KIRREL3: variants seen among roughly 807,000 people sequenced by gnomAD.
KIRREL3 encodes the protein kin of IRRE-like protein 3.
KIRREL3 carries 36 observed loss-of-function variants against 89.7 expected under a neutral mutation model. The ratio of observed to expected loss-of-function variants is 0.40; its 90% CI spans 0.31 to 0.53. The LOEUF (loss-of-function observed/expected upper bound fraction) is 0.53, where lower values mean the gene tolerates loss of function less well. Among genes scored for constraint, KIRREL3 ranks in the 20% least tolerant of loss-of-function variants. The pLI is 0.49. For synonymous variants in KIRREL3, 445 were observed against 441.4 expected (o/e 1.01, Z -0.10); for missense variants, 864 against 1,056.6 (o/e 0.82, Z 2.53).
At chr11:126,949,602 A>G (rs1463051558) in intron 1 of KIRREL3, among the ~76,000 whole-genome samples, 1 of 152,196 alleles carries the variant, frequency 6.6e-6, no homozygotes, top group African/African-American at 2.4e-5. Context: ...CCATCAACAA[A>G]AGGGAGAGAT....
rs1945593206 is a variant in KIRREL3 at position 126,883,698 on chromosome 11, G to A, written c.55+116757C>T. ...TTCCATTCCCACTTCACACTGTGAGGATCTCCTGGACAAGCATTAGTCTCA... is the reference window on the plus strand; with the variant it reads ...TTCCATTCCCACTTCACACTGTGAGAATCTCCTGGACAAGCATTAGTCTCA... On this transcript the variant is annotated intron_variant, in intron 1 of 16. Transcript: ENST00000525144. This position sits in a 1 kb window ranked among gnomAD's most constrained non-coding sequence, Gnocchi z 4.1. Among the ~76,000 whole-genome samples the A allele has an allele frequency of 6.6e-6, 1 of 152,076 alleles. No homozygotes were observed. Among genetic ancestry groups the A allele is most frequent in the Admixed American group, 6.5e-5 (1 of 15,270 alleles).
chr11:126,806,285 A>G (rs957290004), intron 1 of KIRREL3, among the ~76,000 whole-genome samples: 1 of 152,230 alleles, frequency 6.6e-6, no homozygotes, highest in African/African-American at 2.4e-5. Flanking sequence ...TGAGGCTAAT[A>G]AAAAGGACAT....
chr11:126,567,485 C>T (rs772672535), intron 1 of KIRREL3, among the ~76,000 whole-genome samples: 19 of 152,208 alleles, frequency 1.2e-4, no homozygotes, highest in Non-Finnish European at 2.5e-4. Flanking sequence ...TTTGTAACAG[C>T]AGCCCTAGCA....
chr11:126,938,848 TTTCTTCC>T (rs1662654572), intron 1 of KIRREL3, among the ~76,000 whole-genome samples: 1 of 152,142 alleles, frequency 6.6e-6, no homozygotes, highest in African/African-American at 2.4e-5. Flanking sequence ...TGAGATCAGC[TTTCTTCC>T]AGAGAGTGGG....
At chr11:126,868,693 C>A (rs1005511405) in intron 1 of KIRREL3, among the ~76,000 whole-genome samples, 15 of 152,056 alleles carry the variant, frequency 9.9e-5, no homozygotes, top group African/African-American at 3.4e-4. Flanking sequence ...GCTGTTAGTG[C>A]CCTTTCTTAT....
intron 2 of KIRREL3, among the ~76,000 whole-genome samples, chr11:126,534,340 G>A (rs1428164665): frequency 6.6e-6 from 1 of 152,220 alleles, no homozygotes; most frequent in Non-Finnish European, 1.5e-5. Flanking sequence ...ACTAGCTTCC[G>A]TTAGTAGAAA....
chr11:126,914,267 C>A (rs1946947699), intron 1 of KIRREL3, among the ~76,000 whole-genome samples: 1 of 152,166 alleles, frequency 6.6e-6, no homozygotes. Context: ...GAGGGAGAAA[C>A]AAACATTTCC....
At position 126,924,961 on chromosome 11, in the gene KIRREL3, T is replaced by C. The variant is rs1219076245; in HGVS notation, c.55+75494A>G. Among the ~76,000 whole-genome samples, 5 of 111,584 alleles carry C rather than the reference T, an allele frequency of 4.5e-5. No homozygotes were observed. Among genetic ancestry groups the C allele is most frequent in the Non-Finnish European group, 8.9e-5 (5 of 56,494 alleles). The allele number at this position is 111,584 out of a possible 152,430, so 73.2% of individuals were successfully genotyped here. On this transcript the variant is annotated intron_variant, in intron 1 of 16. Transcript: ENST00000525144. This position sits in a 1 kb window ranked among gnomAD's most constrained non-coding sequence, Gnocchi z 4.7. ...TGTGTGTGTGTTGCAGTGGAGGAGG[T>C]TGGGATAAAATTGAAAAAAAAAAAA... is the stretch of plus-strand genomic sequence containing the variant.
chr11:126,786,170 G>A (rs1227275224), intron 1 of KIRREL3, among the ~76,000 whole-genome samples: 2 of 152,234 alleles, frequency 1.3e-5, no homozygotes, highest in South Asian at 4.1e-4. Context: ...GATCATTTAT[G>A]AGAATTACAT....
At chr11:126,433,453 G>T (rs1277797333) in intron 13 of KIRREL3, among the ~76,000 whole-genome samples, 2 of 152,200 alleles carry the variant, frequency 1.3e-5, no homozygotes, top group Non-Finnish European at 1.5e-5. Flanking sequence ...TGGCAGTGTT[G>T]CTGGTTAAGC....
At chr11:126,845,338 G>C (rs377406232) in intron 1 of KIRREL3, among the ~76,000 whole-genome samples, 1 of 152,136 alleles carries the variant, frequency 6.6e-6, no homozygotes, top group Non-Finnish European at 1.5e-5. Context: ...AGACTTCTGG[G>C]CTCTCTCTCT....
intron 1 of KIRREL3, among the ~76,000 whole-genome samples, chr11:126,617,477 C>T (rs1943401125): frequency 6.6e-6 from 1 of 152,180 alleles, no homozygotes; most frequent in Admixed American, 6.5e-5. Flanking sequence ...TATCTACTTT[C>T]AAAAATAATT....
At chr11:126,951,185 A>T (rs971832314) in intron 1 of KIRREL3, among the ~76,000 whole-genome samples, 1 of 152,236 alleles carries the variant, frequency 6.6e-6, no homozygotes, top group Admixed American at 6.5e-5. Context: ...AGTAATAAGG[A>T]TAGCTTCAGA....
Position 126,909,799 on chromosome 11 carries a change from A to T in KIRREL3, c.55+90656T>A, listed in dbSNP as rs1473803537. Among the ~76,000 whole-genome samples the T allele has an allele frequency of 6.6e-6, 1 of 152,194 alleles. No homozygotes were observed. Among genetic ancestry groups the T allele is most frequent in the African/African-American group, 2.4e-5 (1 of 41,452 alleles). On this transcript the variant is annotated intron_variant, in intron 1 of 16. Coordinates refer to ENST00000525144, the MANE Select transcript of KIRREL3 (RefSeq NM_032531.4). This position sits in a 1 kb window ranked among gnomAD's most constrained non-coding sequence, Gnocchi z 4.5. ...AGGCTGAAGCACCGCCATTATAAAA[A>T]ACTTGGTTAAAATATGGATTAATCC...
At chr11:126,552,161 C>G (rs1198452654) in intron 2 of KIRREL3, among the ~76,000 whole-genome samples, 1 of 152,212 alleles carries the variant, frequency 6.6e-6, no homozygotes, top group African/African-American at 2.4e-5. Context: ...TCCTCATTTT[C>G]TCCACTAGTC....
At position 126,676,796 on chromosome 11, in the gene KIRREL3, T is replaced by G. The variant is rs77461645; in HGVS notation, c.56-113884A>C. Among the ~76,000 whole-genome samples the G allele has an allele frequency of 6.6e-6, 1 of 151,570 alleles. No homozygotes were observed. ...TTCTTTAGAGCTGATTTTTTTTTTT[T>G]CCTTTTGAGACAGAGTCTCCCTCTG... On this transcript the variant is annotated intron_variant, in intron 1 of 16. Coordinates refer to ENST00000525144, the MANE Select transcript of KIRREL3 (RefSeq NM_032531.4). This position sits in a 1 kb window ranked among gnomAD's most constrained non-coding sequence, Gnocchi z 4.5.
intron 1 of KIRREL3, among the ~76,000 whole-genome samples, chr11:126,712,779 C>T (rs577156896): frequency 6.6e-6 from 1 of 152,302 alleles, no homozygotes; most frequent in South Asian, 2.1e-4. Context: ...GGCCACGACC[C>T]GTTTTTGTCA....
intron 1 of KIRREL3, among the ~76,000 whole-genome samples, chr11:126,672,089 T>G (rs555461265): frequency 3.3e-5 from 5 of 152,308 alleles, no homozygotes; most frequent in African/African-American, 1.2e-4. Flanking sequence ...TAAGCTATAA[T>G]TAATAGCATG....
chr11:126,894,532 G>T, intron 1 of KIRREL3, among the ~76,000 whole-genome samples: 1 of 92,700 alleles, frequency 1.1e-5, no homozygotes, highest in Non-Finnish European at 2.1e-5. Flanking sequence ...AACATAATGA[G>T]ACCTCATCTC....
Sources: allele counts gnomAD v4.1 joint callset (sites outside exome capture counted in the v4.1 genomes callset), GRCh38; gene constraint gnomAD v4.1.1; non-coding constraint Gnocchi (gnomAD v3.1); transcripts MANE v1.5; gene names NCBI Gene and HGNC (gene_info 2026-07-23, HGNC 2026-07-21).